The following CDH13 variants were observed in gnomAD, a reference collection of about 807,000 sequenced individuals.
The protein encoded by CDH13 is cadherin 13.
A neutral mutation model predicts 63.8 loss-of-function variants in CDH13; 24 were observed. That is an observed-to-expected ratio of 0.38 (90% CI 0.27 to 0.53). CDH13 has a LOEUF of 0.53. Ranked by LOEUF, CDH13 falls within the 20% of genes least tolerant of loss-of-function variation. The pLI is 0.85. For synonymous variants in CDH13, 503 were observed against 355.3 expected (o/e 1.42, Z -4.67); for missense variants, 1,049 against 903.1 (o/e 1.16, Z -2.07).
rs552921595 is a variant in CDH13, at chr16:83,034,664, G to T, written c.366+2446G>T. On this transcript the variant is annotated intron_variant, in intron 3 of 13. Transcript: ENST00000567109. ...CATTTAGATGGCGATTGTTCTTCGT[G>T]AATGGTGGCTCATCTTTCTATCTGG... 1.2e-4 allele frequency among the ~76,000 whole-genome samples: 19 copies of T among 152,326 alleles called. No homozygotes were observed. In the East Asian group the frequency reaches 2.9e-3, roughly 23 times the overall value.
intron 2 of CDH13, among the ~76,000 whole-genome samples, chr16:82,945,826 C>T (rs897932985): frequency 6.6e-6 from 1 of 152,062 alleles, no homozygotes; most frequent in Admixed American, 6.6e-5. Flanking sequence ...GGAGAGGCAC[C>T]GTGTTAGAGA....
intron 11 of CDH13, among the ~76,000 whole-genome samples, chr16:83,778,825 G>A (rs1915303935): frequency 1.3e-5 from 2 of 152,086 alleles, no homozygotes; most frequent in Admixed American, 1.3e-4. Context: ...TTCACCCCCA[G>A]AAGAAAATGT....
chr16:83,692,308 C>G (rs1904985773), intron 10 of CDH13, among the ~76,000 whole-genome samples: 1 of 152,176 alleles, frequency 6.6e-6, no homozygotes, highest in Non-Finnish European at 1.5e-5. Flanking sequence ...CTGGCCAGAT[C>G]TCCATGGACT....
rs186528638 is a variant in CDH13 at position 82,812,003 on chromosome 16, C to A, written c.46-46359C>A. 1.8e-3 allele frequency among the ~76,000 whole-genome samples: 269 copies of A among 152,210 alleles called. 2 individuals are homozygous for A. Among genetic ancestry groups the A allele is most frequent in the African/African-American group, 6.1e-3 (252 of 41,540 alleles). Reference sequence around the variant, plus strand: ...GGAATAGAGACATGAGTAGGTTCTACCTTCAGCCTTGGGGTGGGACCAGGT... The same window carrying A: ...GGAATAGAGACATGAGTAGGTTCTAACTTCAGCCTTGGGGTGGGACCAGGT... On this transcript the variant is annotated intron_variant, in intron 1 of 13. Transcript: ENST00000567109.
At chr16:82,724,505 G>A (rs1460063369) in intron 1 of CDH13, among the ~76,000 whole-genome samples, 1 of 152,112 alleles carries the variant, frequency 6.6e-6, no homozygotes, top group East Asian at 1.9e-4. Flanking sequence ...TATATGTTTT[G>A]GTAGAGCCTA....
At chr16:82,833,764 C>G (rs1273793362) in intron 1 of CDH13, among the ~76,000 whole-genome samples, 1 of 152,104 alleles carries the variant, frequency 6.6e-6, no homozygotes, top group Non-Finnish European at 1.5e-5. Flanking sequence ...TGAAGGAAGC[C>G]CTGGCTCTGT....
chr16:83,042,308 T>C (rs940255148), intron 3 of CDH13, among the ~76,000 whole-genome samples: 7 of 152,220 alleles, frequency 4.6e-5, no homozygotes, highest in African/African-American at 1.7e-4. Context: ...GAGCACTGCC[T>C]GCTGTCAGAT....
At chr16:82,694,743 T>G (rs1365629958) in intron 1 of CDH13, among the ~76,000 whole-genome samples, 1 of 152,180 alleles carries the variant, frequency 6.6e-6, no homozygotes, top group Non-Finnish European at 1.5e-5. Context: ...AATCACTCAT[T>G]CAAAAAATAT....
intron 6 of CDH13, among the ~76,000 whole-genome samples, chr16:83,431,422 A>G (rs2072104676): frequency 6.6e-6 from 1 of 151,890 alleles, no homozygotes; most frequent in Admixed American, 6.6e-5. Context: ...GGCAGAGAGG[A>G]AACAGAGCAG....
At chr16:82,666,278 ACCAATTATG>A (rs1912573176) in intron 1 of CDH13, among the ~76,000 whole-genome samples, 1 of 152,220 alleles carries the variant, frequency 6.6e-6, no homozygotes, top group South Asian at 2.1e-4. Context: ...TGTTTGTTGT[ACCAATTATG>A]CCACAGGCAG....
At chr16:82,777,421 T>C (rs1222066852) in intron 1 of CDH13, among the ~76,000 whole-genome samples, 3 of 152,186 alleles carry the variant, frequency 2.0e-5, no homozygotes, top group Non-Finnish European at 4.4e-5. Context: ...CGGGCTTTAA[T>C]TTTGCTTAAC....
intron 3 of CDH13, among the ~76,000 whole-genome samples, chr16:83,056,785 C>G (rs375833426): frequency 2.0e-5 from 3 of 151,428 alleles, no homozygotes; most frequent in African/African-American, 7.3e-5. Flanking sequence ...ATGCTGTTCT[C>G]GTGATAGTGA....
At chr16:83,105,267 C>T (rs2034708160) in intron 3 of CDH13, among the ~76,000 whole-genome samples, 2 of 152,172 alleles carry the variant, frequency 1.3e-5, no homozygotes, top group Admixed American at 1.3e-4. Context: ...CAAAGAGACC[C>T]CTGGTTTTGT....
At chr16:83,025,899 A>C (rs1488950804) in intron 2 of CDH13, among the ~76,000 whole-genome samples, 2 of 152,172 alleles carry the variant, frequency 1.3e-5, no homozygotes, top group Non-Finnish European at 2.9e-5. Context: ...AAGAGATACT[A>C]GTGCACACAG....
At chr16:82,691,561 G>A (rs1433739697) in intron 1 of CDH13, among the ~76,000 whole-genome samples, 1 of 152,098 alleles carries the variant, frequency 6.6e-6, no homozygotes, top group Non-Finnish European at 1.5e-5. Context: ...ACTACTTGGG[G>A]AGATTGTCTT....
chr16:82,947,581 A>G (rs1208207933), intron 2 of CDH13, among the ~76,000 whole-genome samples: 1 of 152,210 alleles, frequency 6.6e-6, no homozygotes, highest in African/African-American at 2.4e-5. Context: ...TAAATTTTAC[A>G]AAAAGACATT....
At chr16:83,482,674 G>C (rs545106893) in intron 6 of CDH13, among the ~76,000 whole-genome samples, 2 of 152,344 alleles carry the variant, frequency 1.3e-5, no homozygotes, top group African/African-American at 4.8e-5. Flanking sequence ...AGATAGGTTG[G>C]GGTTCAAAGT....
At chr16:82,950,941 A>G (rs1025365045) in intron 2 of CDH13, among the ~76,000 whole-genome samples, 6 of 152,214 alleles carry the variant, frequency 3.9e-5, no homozygotes, top group East Asian at 1.9e-4. Context: ...GGGCACTGCA[A>G]TGTGTGAATC....
chr16:82,797,799 G>A (rs957378226), intron 1 of CDH13, among the ~76,000 whole-genome samples: 2 of 151,514 alleles, frequency 1.3e-5, no homozygotes, highest in East Asian at 3.9e-4. Flanking sequence ...GTGTGTGTGT[G>A]TGTGTGTGTA....
Sources: gnomAD v4.1 joint callset for allele counts (sites outside exome capture counted in the v4.1 genomes callset) on GRCh38, gnomAD v4.1.1 for gene constraint, MANE v1.5 for transcripts, NCBI Gene and HGNC (gene_info 2026-07-23, HGNC 2026-07-21) for gene names.